The following ADAMTSL1 variants were observed in gnomAD, a reference collection of about 807,000 sequenced individuals.
ADAMTSL1 encodes ADAMTS-like protein 1.
A neutral mutation model predicts 201.8 loss-of-function variants in ADAMTSL1; 126 were observed. The ratio of observed to expected loss-of-function variants is 0.62; its 90% CI spans 0.54 to 0.72. The LOEUF (loss-of-function observed/expected upper bound fraction) is 0.72, where lower values mean the gene tolerates loss of function less well. Among genes scored for constraint, ADAMTSL1 ranks in the 30% least tolerant of loss-of-function variants. The pLI, the probability that ADAMTSL1 is intolerant of heterozygous loss-of-function variation, is 0.00. For synonymous variants in ADAMTSL1, 1,121 were observed against 903.4 expected (o/e 1.24, Z -4.32); for missense variants, 2,679 against 2,277.8 (o/e 1.18, Z -3.59).
At chr9:18,822,120 G>A (rs1469877160) in intron 21 of ADAMTSL1, among the ~76,000 whole-genome samples, 9 of 152,148 alleles carry the variant, frequency 5.9e-5, no homozygotes, top group Admixed American at 6.5e-5. Context: ...ATACCAGGGA[G>A]GTTAGCATGT....
chr9:18,334,315 A>G (rs1310407968), intron 2 of ADAMTSL1, among the ~76,000 whole-genome samples: 1 of 152,182 alleles, frequency 6.6e-6, no homozygotes, highest in East Asian at 1.9e-4. Context: ...AACCCTAAAC[A>G]GAGAGATGGC....
chr9:18,051,217 C>T (rs1047245858), intron 1 of ADAMTSL1, among the ~76,000 whole-genome samples: 5 of 152,144 alleles, frequency 3.3e-5, no homozygotes, highest in Admixed American at 6.5e-5. Flanking sequence ...GGGAGAATGG[C>T]GTGAACCCAG....
chr9:18,871,198 G>T (rs564771283), intron 23 of ADAMTSL1, among the ~76,000 whole-genome samples: 1 of 152,132 alleles, frequency 6.6e-6, no homozygotes, highest in Non-Finnish European at 1.5e-5. Context: ...ATTACCAGAG[G>T]TGGGGAGCCT....
At chr9:18,302,753 A>T (rs147962043) in intron 2 of ADAMTSL1, among the ~76,000 whole-genome samples, 68 of 152,332 alleles carry the variant, frequency 4.5e-4, no homozygotes, top group African/African-American at 1.6e-3. Flanking sequence ...TGGTAAGATT[A>T]AGCATAAGGA....
At chr9:18,702,708 G>A (rs1325001486) in intron 13 of ADAMTSL1, among the ~76,000 whole-genome samples, 8 of 151,406 alleles carry the variant, frequency 5.3e-5, no homozygotes, top group East Asian at 1.9e-4. Flanking sequence ...ATCTTTTAAA[G>A]AAATAATTTG....
intron 1 of ADAMTSL1, among the ~76,000 whole-genome samples, chr9:18,490,834 C>T (rs370528194): frequency 3.3e-5 from 5 of 152,082 alleles, no homozygotes; most frequent in African/African-American, 7.2e-5. Context: ...GTCAGCCAAG[C>T]GGTGGGCAGA....
At position 18,217,003 on chromosome 9, in the gene ADAMTSL1, C is replaced by CTA. The variant is rs1035641858; in HGVS notation, c.207+53024_207+53025dup. On this transcript the variant is annotated intron_variant, in intron 2 of 29. Transcript: ENST00000680146. ...TAGATTGTTGGGAGTTGAGATAGGG[C>CTA]TATGAGGAAGACAAATGAGGGGTCA... Among the ~76,000 whole-genome samples, 9 of 152,020 alleles carry CTA rather than the reference C, an allele frequency of 5.9e-5. No homozygotes were observed. In the East Asian group the frequency reaches 1.6e-3, roughly 26 times the overall value.
At chr9:18,760,511 GC>G (rs999558377) in intron 16 of ADAMTSL1, among the ~76,000 whole-genome samples, 2 of 152,170 alleles carry the variant, frequency 1.3e-5, no homozygotes, top group Non-Finnish European at 2.9e-5. Context: ...TTACCAGGAA[GC>G]CCTTTCTCCA....
At chr9:18,003,189 C>T (rs929550546) in intron 1 of ADAMTSL1, among the ~76,000 whole-genome samples, 2 of 152,014 alleles carry the variant, frequency 1.3e-5, no homozygotes, top group African/African-American at 4.8e-5. Flanking sequence ...TCCTGGAGTC[C>T]TTCCCAGTTC....
chr9:18,027,054 A>G (rs1820728112), intron 1 of ADAMTSL1, among the ~76,000 whole-genome samples: 1 of 148,420 alleles, frequency 6.7e-6, no homozygotes, highest in Non-Finnish European at 1.5e-5. Context: ...TGGTTGTGAT[A>G]TCACCTTTGC....
intron 6 of ADAMTSL1, among the ~76,000 whole-genome samples, chr9:18,637,315 G>A (rs1827166496): frequency 1.3e-5 from 2 of 152,068 alleles, no homozygotes; most frequent in Non-Finnish European, 2.9e-5. Flanking sequence ...AGGGCTAACT[G>A]TCCACTAACT....
intron 1 of ADAMTSL1, among the ~76,000 whole-genome samples, chr9:18,058,713 GCA>G (rs1490761296): frequency 1.3e-5 from 2 of 152,072 alleles, no homozygotes; most frequent in African/African-American, 4.8e-5. Flanking sequence ...TGTTGTGAAT[GCA>G]CAGAGAGACT....
At chr9:17,943,345 C>T (rs1245774831) in intron 1 of ADAMTSL1, among the ~76,000 whole-genome samples, 1 of 152,044 alleles carries the variant, frequency 6.6e-6, no homozygotes, top group Non-Finnish European at 1.5e-5. Flanking sequence ...GACCTGGATT[C>T]CATGTTGAAT....
intron 8 of ADAMTSL1, among the ~76,000 whole-genome samples, chr9:18,660,211 T>C (rs1442035369): frequency 6.6e-6 from 1 of 152,190 alleles, no homozygotes; most frequent in East Asian, 1.9e-4. Flanking sequence ...TGAGTGAAGA[T>C]GTGAGGGATG....
At chr9:18,585,379 C>G (rs1823415726) in intron 4 of ADAMTSL1, among the ~76,000 whole-genome samples, 1 of 152,066 alleles carries the variant, frequency 6.6e-6, no homozygotes, top group Non-Finnish European at 1.5e-5. Context: ...CAGAGCAAAT[C>G]TAAAATAGAA....
intron 4 of ADAMTSL1, among the ~76,000 whole-genome samples, chr9:18,608,379 G>T (rs1457033390): frequency 6.6e-6 from 1 of 152,126 alleles, no homozygotes; most frequent in Non-Finnish European, 1.5e-5. Context: ...GTCAGATTTG[G>T]AATTTATAGT....
At chr9:18,014,797 C>G (rs1820190365) in intron 1 of ADAMTSL1, among the ~76,000 whole-genome samples, 1 of 151,970 alleles carries the variant, frequency 6.6e-6, no homozygotes, top group African/African-American at 2.4e-5. Context: ...CTGGTGTATC[C>G]AAATACATCA....
chr9:18,409,113 G>T (rs1035376339), intron 2 of ADAMTSL1, among the ~76,000 whole-genome samples: 4 of 152,052 alleles, frequency 2.6e-5, no homozygotes, highest in African/African-American at 9.7e-5. Flanking sequence ...GCCGGGCACA[G>T]TGGCTCACAC....
intron 2 of ADAMTSL1, among the ~76,000 whole-genome samples, chr9:18,367,285 T>C (rs955605171): frequency 2.0e-5 from 3 of 152,206 alleles, no homozygotes; most frequent in Non-Finnish European, 4.4e-5. Context: ...ATGAAATTTA[T>C]GCTTTTTCAC....
Sources: allele counts gnomAD v4.1 joint callset (sites outside exome capture counted in the v4.1 genomes callset), GRCh38; gene constraint gnomAD v4.1.1; transcripts MANE v1.5; gene names NCBI Gene and HGNC (gene_info 2026-07-23, HGNC 2026-07-21).